Variants in CAMKMT observed in about 807,000 individuals in gnomAD.
CAMKMT encodes calmodulin-lysine N-methyltransferase.
Under a neutral mutation model 48.0 loss-of-function variants are expected in CAMKMT, and 53 were observed. The observed-to-expected ratio is 1.10, with a 90% confidence interval of 0.89 to 1.39. The LOEUF (loss-of-function observed/expected upper bound fraction) is 1.39, where lower values mean the gene tolerates loss of function less well. CAMKMT is among the 40% of genes most tolerant of loss of function. The probability of loss-of-function intolerance (pLI) is 0.00; values close to 1 mark genes in which losing one functional copy is unlikely to be tolerated. For synonymous variants in CAMKMT, 165 were observed against 152.3 expected (o/e 1.08, Z -0.61); for missense variants, 428 against 402.7 (o/e 1.06, Z -0.54).
At chr2:44,544,522 T>C (rs1356476018) in intron 3 of CAMKMT, among the ~76,000 whole-genome samples, 1 of 152,224 alleles carries the variant, frequency 6.6e-6, no homozygotes, top group Non-Finnish European at 1.5e-5. Flanking sequence ...GCTTCCTTAT[T>C]AGGTTACTAG....
chr2:44,583,376 T>C (rs192112922), intron 3 of CAMKMT, among the ~76,000 whole-genome samples: 200 of 152,304 alleles, frequency 1.3e-3, no homozygotes, highest in Admixed American at 4.1e-3. Flanking sequence ...TACCTTAATA[T>C]TATATGCTTA....
At chr2:44,430,979 T>C (rs996188037) in intron 3 of CAMKMT, among the ~76,000 whole-genome samples, 1 of 152,228 alleles carries the variant, frequency 6.6e-6, no homozygotes, top group Non-Finnish European at 1.5e-5. Context: ...TGTAGCACGT[T>C]ATTAAAAAGT....
chr2:44,386,697 G>T (rs1321033764), intron 2 of CAMKMT, among the ~76,000 whole-genome samples: 1 of 152,050 alleles, frequency 6.6e-6, no homozygotes, highest in Non-Finnish European at 1.5e-5. Context: ...GTATCCCATA[G>T]ATTTTGATAG....
chr2:44,521,028 G>A (rs1671080273), intron 3 of CAMKMT, among the ~76,000 whole-genome samples: 1 of 152,172 alleles, frequency 6.6e-6, no homozygotes, highest in African/African-American at 2.4e-5. Flanking sequence ...TCATAGCAGA[G>A]TGAGAACAGA....
At position 44,660,064 on chromosome 2, in the gene CAMKMT, A is replaced by G. The variant is rs576154383; in HGVS notation, c.377-44219A>G. Among the ~76,000 whole-genome samples, 222 of 152,362 alleles carry G rather than the reference A, an allele frequency of 1.5e-3. 2 individuals carry two copies. The highest frequency in any genetic ancestry group is 5.3e-3 in the African/African-American group (221 of 41,586). ...TATTTACAAACTCATTCAAAATAAC[A>G]TTAAACTCATTATGTCTTAACATAA... On this transcript the variant is annotated intron_variant, in intron 3 of 10. Coordinates refer to ENST00000378494, the MANE Select transcript of CAMKMT (RefSeq NM_024766.5).
intron 3 of CAMKMT, among the ~76,000 whole-genome samples, chr2:44,401,978 A>G (rs1469619093): frequency 6.6e-6 from 1 of 152,126 alleles, no homozygotes; most frequent in East Asian, 1.9e-4. Context: ...TAGCTTCCTG[A>G]GAAAGTAAGG....
At chr2:44,668,637 A>G (rs1269997864) in intron 3 of CAMKMT, among the ~76,000 whole-genome samples, 4 of 152,130 alleles carry the variant, frequency 2.6e-5, no homozygotes, top group Non-Finnish European at 5.9e-5. Flanking sequence ...TGAAATACAC[A>G]TACAAGACAG....
chr2:44,638,886 G>A (rs1389457710), intron 3 of CAMKMT, among the ~76,000 whole-genome samples: 1 of 152,208 alleles, frequency 6.6e-6, no homozygotes, highest in Non-Finnish European at 1.5e-5. Context: ...TGCTGGCAGA[G>A]GGGCAGAACC....
At chr2:44,379,248 A>G (rs77182353) in intron 2 of CAMKMT, among the ~76,000 whole-genome samples, 3,779 of 152,278 alleles carry the variant, frequency 0.025, 178 homozygotes, top group African/African-American at 0.087. Context: ...ACCACATAAC[A>G]GTACCTCATA....
At chr2:44,456,487 G>C in intron 3 of CAMKMT, 1 of 1,502,498 alleles carries the variant, frequency 6.7e-7, no homozygotes, top group South Asian at 1.3e-5. Flanking sequence ...TGTGAAAGAA[G>C]AAACAAAAAG....
At chr2:44,673,753 A>T (rs966781223) in intron 3 of CAMKMT, among the ~76,000 whole-genome samples, 1 of 152,220 alleles carries the variant, frequency 6.6e-6, no homozygotes, top group Non-Finnish European at 1.5e-5. Context: ...CAGGACAAAG[A>T]AGGGAGATGA....
intron 7 of CAMKMT, among the ~76,000 whole-genome samples, chr2:44,717,586 G>T (rs1678238677): frequency 6.6e-6 from 1 of 152,070 alleles, no homozygotes; most frequent in Non-Finnish European, 1.5e-5. Flanking sequence ...TTCTTTTTTA[G>T]TGCCTCAGTG....
rs56221338 is a variant in CAMKMT at position 44,675,972 on chromosome 2, A to G, written c.377-28311A>G. 3.8e-3 allele frequency among the ~76,000 whole-genome samples: 577 copies of G among 152,296 alleles called. 3 individuals carry two copies. Among genetic ancestry groups the G allele is most frequent in the Middle Eastern group, 0.01 (3 of 294 alleles). On this transcript the variant is annotated intron_variant, in intron 3 of 10. Coordinates refer to ENST00000378494, the MANE Select transcript of CAMKMT (RefSeq NM_024766.5). ...GTTTTACTTAGCATGATGTCCCCCAAGGTTCATCCATGTTGTAACATGTGC... is the reference window on the plus strand; with the variant it reads ...GTTTTACTTAGCATGATGTCCCCCAGGGTTCATCCATGTTGTAACATGTGC...
intron 3 of CAMKMT, among the ~76,000 whole-genome samples, chr2:44,467,059 T>C (rs1668154534): frequency 6.6e-6 from 1 of 152,050 alleles, no homozygotes; most frequent in South Asian, 2.1e-4. Context: ...GAGATCAGCC[T>C]GGGCAACATA....
At chr2:44,621,477 T>G (rs1036032681) in intron 3 of CAMKMT, among the ~76,000 whole-genome samples, 1 of 152,076 alleles carries the variant, frequency 6.6e-6, no homozygotes, top group Non-Finnish European at 1.5e-5. Context: ...GGAAGCGACA[T>G]TTGAACTGAG....
At chr2:44,703,220 A>T (rs567295726) in intron 3 of CAMKMT, among the ~76,000 whole-genome samples, 2 of 152,294 alleles carry the variant, frequency 1.3e-5, no homozygotes, top group East Asian at 3.9e-4. Context: ...AAAGAAAAAA[A>T]TTAAAAACAC....
At position 44,659,127 on chromosome 2, in the gene CAMKMT, A is replaced by G. The variant is rs186813559; in HGVS notation, c.377-45156A>G. On this transcript the variant is annotated intron_variant, in intron 3 of 10. Coordinates refer to ENST00000378494, the MANE Select transcript of CAMKMT (RefSeq NM_024766.5). Reference sequence around the variant, plus strand: ...AAAATGATTATCTTAAATCATTTAGAAAAAGTAGGTGAGGCTAGGCACAGT... The same window carrying G: ...AAAATGATTATCTTAAATCATTTAGGAAAAGTAGGTGAGGCTAGGCACAGT... Among the ~76,000 whole-genome samples, 30 of 145,358 alleles carry G rather than the reference A, an allele frequency of 2.1e-4. No homozygotes were observed. In the East Asian group the frequency reaches 5.7e-3, roughly 28 times the overall value.
intron 3 of CAMKMT, among the ~76,000 whole-genome samples, chr2:44,692,947 G>A (rs550385071): frequency 6.6e-5 from 10 of 152,186 alleles, no homozygotes; most frequent in East Asian, 1.9e-4. Flanking sequence ...TCCTATATGC[G>A]TCTGCTGTAC....
At chr2:44,490,418 G>A (rs1026450442) in intron 3 of CAMKMT, among the ~76,000 whole-genome samples, 6 of 152,148 alleles carry the variant, frequency 3.9e-5, no homozygotes, top group Non-Finnish European at 1.5e-5. Flanking sequence ...TGGGATTACA[G>A]GCATGCGCCA....
Sources: allele counts gnomAD v4.1 joint callset (sites outside exome capture counted in the v4.1 genomes callset), GRCh38; gene constraint gnomAD v4.1.1; transcripts MANE v1.5; gene names NCBI Gene and HGNC (gene_info 2026-07-23, HGNC 2026-07-21).